Variants in AKAP7 observed in about 807,000 individuals in gnomAD.
AKAP7 encodes the protein A kinase (PRKA) anchor protein 7.
In AKAP7, 39 loss-of-function variants were observed where a neutral mutation model predicts 39.5. That is an observed-to-expected ratio of 0.99 (90% CI 0.76 to 1.29). The LOEUF is 1.29. Ranked by LOEUF, AKAP7 falls within the 50% of genes most tolerant of loss-of-function variation. The probability of loss-of-function intolerance (pLI) is 0.00; values close to 1 mark genes in which losing one functional copy is unlikely to be tolerated. For missense variants in AKAP7, 414 were observed against 407.7 expected (o/e 1.02, Z -0.13); for synonymous variants, 140 against 139.1 (o/e 1.01, Z -0.05).
At position 131,240,180 on chromosome 6, in the gene AKAP7, CCT is replaced by C. The variant is rs1375817273; in HGVS notation, c.850+20373_850+20374del. Among the ~76,000 whole-genome samples, 3 of 152,292 alleles carry C rather than the reference CCT, an allele frequency of 2.0e-5. No homozygotes were observed. The East Asian group carries it at 5.8e-4, about 29-fold the overall frequency. On this transcript the variant is annotated intron_variant, in intron 7 of 7. Transcript: ENST00000431975. ...AGTTTGCTGGAGGTCCACTCCAGAC[CCT>C]GTTTGCCTGGGTATCAGCAGCGGAG...
In AKAP7 at chr6:131,281,969, C is replaced by T. The variant is rs74980609; in HGVS notation, c.*243C>T. 2,639 of 1,199,870 alleles carry T rather than the reference C, an allele frequency of 2.2e-3. 25 individuals carry two copies. In the African/African-American group the frequency reaches 0.032, roughly 14 times the overall value. The allele number at this position is 1,199,870 out of a possible 1,614,324, so 74.3% of individuals were successfully genotyped here. On this transcript the variant is annotated 3_prime_UTR_variant, in exon 8 of 8. Transcript: ENST00000431975. The surrounding 1 kb of genome is among the most constrained non-coding windows in gnomAD (Gnocchi z 4.0). ...GAAGAATGGCCCAAGTTTCATTCGC[C>T]CTCAGCCACGCACAAGGGAAAGGGA...
chr6:131,225,109 T>C (rs747246107), intron 7 of AKAP7, among the ~76,000 whole-genome samples: 18 of 152,128 alleles, frequency 1.2e-4, no homozygotes, highest in Admixed American at 2.6e-4. Context: ...TCATGGATAT[T>C]AATTCTTCTG....
chr6:131,204,592 A>G (rs1807913227), intron 6 of AKAP7, among the ~76,000 whole-genome samples: 1 of 152,176 alleles, frequency 6.6e-6, no homozygotes, highest in African/African-American at 2.4e-5. Context: ...AATGTCACTC[A>G]GAATATAGTA....
chr6:131,277,151 G>A lies in AKAP7; in HGVS notation c.851-4379G>A, dbSNP rs183769358. 4.3e-3 allele frequency among the ~76,000 whole-genome samples: 652 copies of A among 152,268 alleles called. 6 individuals are homozygous for A. Among genetic ancestry groups the A allele is most frequent in the African/African-American group, 0.015 (611 of 41,556 alleles). On this transcript the variant is annotated intron_variant, in intron 7 of 7. Transcript: ENST00000431975. Reference sequence around the variant, plus strand: ...GATGCCACAACTCCTACAGAGAGTGGAATTGCTTACCTGAAGTTGATTGAA... The same window carrying A: ...GATGCCACAACTCCTACAGAGAGTGAAATTGCTTACCTGAAGTTGATTGAA...
intron 6 of AKAP7, among the ~76,000 whole-genome samples, chr6:131,217,237 T>G (rs4310080): frequency 0.29 from 43,829 of 152,008 alleles, 6,797 homozygotes; most frequent in Middle Eastern, 0.39. Context: ...AGAAAATAGG[T>G]CCCTTCTTAG....
intron 6 of AKAP7, among the ~76,000 whole-genome samples, chr6:131,207,491 A>ATTTTTTTTTTTTTTTTTTTTTTTTT (rs531582478): frequency 6.3e-5 from 5 of 78,796 alleles, no homozygotes; most frequent in African/African-American, 9.9e-5. Context: ...GCTAATTAAA[A>ATTTTTTTTTTTTTTTTTTTTTTTTT]TTTTTTTTTT....
At chr6:131,162,618 A>G (rs925297492) in intron 3 of AKAP7, among the ~76,000 whole-genome samples, 9 of 152,062 alleles carry the variant, frequency 5.9e-5, no homozygotes, top group African/African-American at 2.2e-4. Context: ...CCTCTTTTCC[A>G]TGTTCTCTGA....
At chr6:131,251,200 C>T (rs991244235) in intron 7 of AKAP7, among the ~76,000 whole-genome samples, 1 of 152,190 alleles carries the variant, frequency 6.6e-6, no homozygotes, top group Admixed American at 6.5e-5. Flanking sequence ...ATGTTGAATT[C>T]CACAGCGGCT....
intron 7 of AKAP7, among the ~76,000 whole-genome samples, chr6:131,252,856 G>A (rs1165427646): frequency 6.6e-6 from 1 of 152,118 alleles, no homozygotes; most frequent in Admixed American, 6.6e-5. Flanking sequence ...CCTACTCTGA[G>A]CAATGTACTC....
intron 6 of AKAP7, among the ~76,000 whole-genome samples, chr6:131,212,270 T>C (rs763372260): frequency 5.9e-5 from 9 of 152,266 alleles, no homozygotes; most frequent in African/African-American, 1.7e-4. Flanking sequence ...TTGAATGTTA[T>C]ATAAAAATTA....
At chr6:131,149,057 G>A (rs1261516118) in intron 2 of AKAP7, among the ~76,000 whole-genome samples, 1 of 152,184 alleles carries the variant, frequency 6.6e-6, no homozygotes, top group African/African-American at 2.4e-5. Flanking sequence ...GGGAATCCTT[G>A]GCAGTAGGAA....
intron 5 of AKAP7, among the ~76,000 whole-genome samples, chr6:131,177,872 A>G (rs1804732526): frequency 2.6e-5 from 4 of 152,120 alleles, no homozygotes; most frequent in Admixed American, 2.6e-4. Flanking sequence ...CTTAGCTGAA[A>G]CTCGGCTCTT....
chr6:131,152,953 C>A (rs985453894), intron 2 of AKAP7, among the ~76,000 whole-genome samples: 1 of 151,458 alleles, frequency 6.6e-6, no homozygotes, highest in African/African-American at 2.4e-5. Context: ...ACGGTGAAAC[C>A]CCGTCTCTAC....
intron 5 of AKAP7, among the ~76,000 whole-genome samples, chr6:131,174,780 A>G (rs1585012340): frequency 6.6e-6 from 1 of 152,258 alleles, no homozygotes; most frequent in Admixed American, 6.5e-5. Context: ...ATATGCCTAC[A>G]CAGGAATATT....
At chr6:131,258,859 A>G (rs1344084002) in intron 7 of AKAP7, among the ~76,000 whole-genome samples, 1 of 152,212 alleles carries the variant, frequency 6.6e-6, no homozygotes, top group Non-Finnish European at 1.5e-5. Context: ...TAATAAACCT[A>G]TTATGTATCT....
intron 7 of AKAP7, chr6:131,250,645 C>T (rs368398582): frequency 1.1e-5 from 18 of 1,609,790 alleles, no homozygotes; most frequent in Non-Finnish European, 1.4e-5. Context: ...GTGCAGAATC[C>T]TAAGTGCTTG....
intron 5 of AKAP7, among the ~76,000 whole-genome samples, chr6:131,183,483 T>C (rs1462611118): frequency 6.6e-6 from 1 of 152,072 alleles, no homozygotes; most frequent in African/African-American, 2.4e-5. Flanking sequence ...TTTTTTGTTG[T>C]GTTAAAAAAA....
rs919171250 is a variant in AKAP7, at chr6:131,217,149, G to T, written c.703-2512G>T. Among the ~76,000 whole-genome samples the T allele has an allele frequency of 5.9e-5, 9 of 152,222 alleles. No homozygotes were observed. In the South Asian group the frequency reaches 8.3e-4, roughly 14 times the overall value. Reference sequence around the variant, plus strand: ...CACAACCTGAAAATAATGCCACCACGCAGCCTTTTTAGCTTTAAAATATAA... The same window carrying T: ...CACAACCTGAAAATAATGCCACCACTCAGCCTTTTTAGCTTTAAAATATAA... On this transcript the variant is annotated intron_variant, in intron 6 of 7. Coordinates refer to ENST00000431975, the MANE Select transcript of AKAP7 (RefSeq NM_016377.4).
At chr6:131,239,564 C>T (rs1198678303) in intron 7 of AKAP7, among the ~76,000 whole-genome samples, 1 of 152,206 alleles carries the variant, frequency 6.6e-6, no homozygotes, top group Non-Finnish European at 1.5e-5. Flanking sequence ...TAGATTTGGT[C>T]TTTTCACATA....
Sources: allele counts gnomAD v4.1 joint callset (sites outside exome capture counted in the v4.1 genomes callset), GRCh38; gene constraint gnomAD v4.1.1; non-coding constraint Gnocchi (gnomAD v3.1); transcripts MANE v1.5; gene names NCBI Gene and HGNC (gene_info 2026-07-23, HGNC 2026-07-21).